The following AHR variants were observed in gnomAD, a reference collection of about 807,000 sequenced individuals.
AHR encodes the protein aryl hydrocarbon receptor.
A neutral mutation model predicts 86.8 loss-of-function variants in AHR; 40 were observed. The ratio of observed to expected loss-of-function variants is 0.46; its 90% CI spans 0.36 to 0.60. The LOEUF is 0.60. AHR is among the 20% of genes least tolerant of loss of function. AHR has a pLI of 0.00. For missense variants in AHR, 1,001 were observed against 1,011.6 expected (o/e 0.99, Z 0.14); for synonymous variants, 398 against 354.9 (o/e 1.12, Z -1.37).
intron 2 of AHR, among the ~76,000 whole-genome samples, chr7:17,314,256 G>A (rs574212768): frequency 5.9e-5 from 9 of 151,904 alleles, no homozygotes; most frequent in Non-Finnish European, 1.3e-4. Context: ...TTTAAAACAA[G>A]GTAATGTTAG....
chr7:17,322,420 G>T, intron 2 of AHR, 81 bp from the exon 3 acceptor site: 1 of 850,738 alleles, frequency 1.2e-6, no homozygotes, highest in East Asian at 2.6e-5. Flanking sequence ...AATTGTCTTT[G>T]TTTGGTGTTC....
chr7:17,312,836 A>G (rs556139467), intron 2 of AHR, among the ~76,000 whole-genome samples: 4 of 152,304 alleles, frequency 2.6e-5, no homozygotes, highest in South Asian at 2.1e-4. Context: ...TTAAAATGCA[A>G]ATTTGGAGGC....
intron 5 of AHR, among the ~76,000 whole-genome samples, chr7:17,330,544 T>G (rs1166499548): frequency 1.3e-5 from 2 of 151,908 alleles, no homozygotes; most frequent in East Asian, 3.8e-4. Context: ...CAGTGATAGC[T>G]CAATAAAAAT....
chr7:17,315,812 A>AT (rs1782109453), intron 2 of AHR, among the ~76,000 whole-genome samples: 1 of 151,944 alleles, frequency 6.6e-6, no homozygotes. Context: ...TTTGTATATT[A>AT]TTTTTAAATC....
At chr7:17,342,890 C>T (rs1782441179) in intron 10 of AHR, 31 bp from the exon 11 acceptor site, 1 of 1,602,070 alleles carries the variant, frequency 6.2e-7, no homozygotes, top group Non-Finnish European at 8.5e-7. Flanking sequence ...AGATCTATTC[C>T]AATAAGTTGC....
At chr7:17,310,336 A>G (rs767414594) in intron 2 of AHR, among the ~76,000 whole-genome samples, 7 of 152,116 alleles carry the variant, frequency 4.6e-5, no homozygotes, top group South Asian at 2.1e-4. Context: ...GAAATGATGC[A>G]TGGTATCATT....
intron 2 of AHR, among the ~76,000 whole-genome samples, chr7:17,314,919 G>C (rs984153187): frequency 2.0e-5 from 3 of 151,980 alleles, no homozygotes; most frequent in African/African-American, 7.2e-5. Context: ...TTGCATAACA[G>C]TTTAGCACAT....
intron 9 of AHR, among the ~76,000 whole-genome samples, chr7:17,336,477 TTTTG>T (rs886717121): frequency 6.6e-6 from 1 of 152,128 alleles, no homozygotes; most frequent in African/African-American, 2.4e-5. Flanking sequence ...GAGTGTGTCA[TTTTG>T]TTTGTTTTGC....
At chr7:17,302,297 C>G (rs1222790478) in intron 1 of AHR, among the ~76,000 whole-genome samples, 1 of 151,970 alleles carries the variant, frequency 6.6e-6, no homozygotes, top group Admixed American at 6.5e-5. Context: ...TGAGCCTTAG[C>G]TGATCTTTCT....
intron 1 of AHR, among the ~76,000 whole-genome samples, chr7:17,301,160 G>A (rs1781951621): frequency 6.6e-6 from 1 of 151,910 alleles, no homozygotes; most frequent in Non-Finnish European, 1.5e-5. Context: ...GCTGAGCACC[G>A]TATATTGCTT....
intron 10 of AHR, 36 bp downstream of exon 10, chr7:17,340,264 T>G: frequency 6.5e-7 from 1 of 1,547,272 alleles, no homozygotes; most frequent in Non-Finnish European, 8.7e-7. Flanking sequence ...AATCTTTCAG[T>G]GATTCTTTTT....
intron 2 of AHR, among the ~76,000 whole-genome samples, chr7:17,321,594 TACACACACACACACAC>T (rs71309046): frequency 6.8e-6 from 1 of 147,730 alleles, no homozygotes; most frequent in Admixed American, 6.8e-5. Flanking sequence ...ACCACACACA[TACACACACACACACAC>T]ACACACACAG....
At chr7:17,318,764 G>A (rs1782140887) in intron 2 of AHR, among the ~76,000 whole-genome samples, 1 of 152,078 alleles carries the variant, frequency 6.6e-6, no homozygotes, top group African/African-American at 2.4e-5. Context: ...TTGAAGTATA[G>A]TTGACCCTTG....
chr7:17,320,927 A>G (rs1361857140), intron 2 of AHR, among the ~76,000 whole-genome samples: 3 of 152,142 alleles, frequency 2.0e-5, no homozygotes, highest in African/African-American at 4.8e-5. Context: ...CCAGAATGGC[A>G]TGAGATTCTG....
intron 6 of AHR, among the ~76,000 whole-genome samples, chr7:17,332,645 A>T (rs1782312851): frequency 6.6e-6 from 1 of 152,060 alleles, no homozygotes; most frequent in South Asian, 2.1e-4. Flanking sequence ...GTATGGCTGT[A>T]CACTGTGTTT....
chr7:17,342,365 G>T (rs1782435406), intron 10 of AHR, among the ~76,000 whole-genome samples: 1 of 152,104 alleles, frequency 6.6e-6, no homozygotes, highest in Non-Finnish European at 1.5e-5. Context: ...TATGCTTTCA[G>T]TAGTATTCAT....
chr7:17,334,236 A>G, intron 7 of AHR, 122 bp downstream of exon 7: 4 of 845,156 alleles, frequency 4.7e-6, no homozygotes, highest in Non-Finnish European at 7.3e-6. Context: ...CTATTATCGT[A>G]CATTCTTCCA....
chr7:17,321,792 C>T (rs1268554178), intron 2 of AHR, among the ~76,000 whole-genome samples: 1 of 151,910 alleles, frequency 6.6e-6, no homozygotes, highest in Non-Finnish European at 1.5e-5. Context: ...GATACCTGTG[C>T]ACATCTTTTT....
rs912342671 is a variant in AHR at position 17,343,479 on chromosome 7, G to A, written c.*415G>A. On this transcript the variant is annotated 3_prime_UTR_variant, in exon 11 of 11. Transcript: ENST00000242057. The stretch of plus-strand genomic sequence containing the variant: ...TTCTTATTAGTTCCCCAAATACAAA[G>A]TTAGAGAACTAAACTAGTTTTTCCT... 6.1e-6 allele frequency: 1 copy of A among 164,614 alleles called. No individual in the cohort carries two copies. The highest frequency in any genetic ancestry group is 1.3e-5 in the Non-Finnish European group (1 of 76,578). The allele number at this position is 164,614 out of a possible 1,614,324, so 10.2% of individuals were successfully genotyped here. A position where few individuals can be genotyped will look rare whatever the true frequency, so the allele number is the denominator to read the frequency against.
Sources: gnomAD v4.1 joint callset for allele counts (sites outside exome capture counted in the v4.1 genomes callset) on GRCh38, gnomAD v4.1.1 for gene constraint, MANE v1.5 for transcripts, NCBI Gene and HGNC (gene_info 2026-07-23, HGNC 2026-07-21) for gene names.